Variants in MUSTN1 observed in about 807,000 individuals in gnomAD.
The protein encoded by MUSTN1 is musculoskeletal embryonic nuclear protein 1.
A neutral mutation model predicts 11.8 loss-of-function variants in MUSTN1; 14 were observed. The observed-to-expected ratio is 1.18, with a 90% CI of 0.78 to 1.85. The LOEUF (loss-of-function observed/expected upper bound fraction) is 1.85. MUSTN1 is among the 40% of genes most tolerant of loss of function. The pLI is 0.00. For missense variants in MUSTN1, 111 were observed against 108.8 expected, an observed-to-expected ratio of 1.02 and a Z score of -0.09; for synonymous variants, 42 against 43.3, an observed-to-expected ratio of 0.97 and a Z score of 0.12.
chr3:52,833,380 T>C lies in MUSTN1; in HGVS notation c.193A>G (p.Thr65Ala), dbSNP rs1399300139. Residue 65 changes from threonine (T) to alanine (A), a missense_variant, in exon 3 of 3, where the codon ACC becomes GCC. By Grantham distance (58) the Thr-to-Ala change is moderately conservative. Transcript: ENST00000446157. The stretch of plus-strand genomic sequence containing the variant: ...TTGGGCTTCTCAAAGACAGTCTCGG[T>C]ACCTGTGCGGGTGCGGCTGAACACC... ...PSVFSRTRTG[T>A]ETVFEKPKAG... 3.7e-6 allele frequency: 6 copies of C among 1,613,754 alleles called. No homozygotes were observed. Among genetic ancestry groups the C allele is most frequent in the Non-Finnish European group, 5.1e-6 (6 of 1,179,860 alleles).
At chr3:52,834,665 C>CACACACACACAT (rs1700666406) in intron 1 of MUSTN1, 1 of 612,316 alleles carries the variant, frequency 1.6e-6, no homozygotes, top group Non-Finnish European at 2.9e-6. Context: ...CACACACACA[C>CACACACACACAT]ACACACACAC....
Position 52,834,959 on chromosome 3 carries a change from G to A in MUSTN1, c.-11C>T, listed in dbSNP as rs769438980. ...TCCTACCTGGGACATGGTGGGTATT[G>A]TGTAAGCGCTGGGTCTCTGAAGGCG... On this transcript the variant is annotated 5_prime_UTR_variant, in exon 1 of 3. Coordinates refer to ENST00000446157, the MANE Select transcript of MUSTN1 (RefSeq NM_205853.4). The A allele has an allele frequency of 1.2e-6, 2 of 1,613,550 alleles. No individual in the cohort carries two copies. Among genetic ancestry groups the A allele is most frequent in the Non-Finnish European group, 1.7e-6 (2 of 1,179,776 alleles).
chr3:52,834,940 C>G lies in MUSTN1; in HGVS notation c.9G>C (p.Gln3His), dbSNP rs755297176. Reference protein sequence around the residue: MSQAGAQEAPIKK... With the variant: MSHAGAQEAPIKK... ...CACAGCCCTTGCTGGGTCCTCCTACCTGGGACATGGTGGGTATTGTGTAAG... is the reference window on the plus strand; with the variant it reads ...CACAGCCCTTGCTGGGTCCTCCTACGTGGGACATGGTGGGTATTGTGTAAG... Residue 3 changes from glutamine (Q) to histidine (H), a missense_variant and splice_region_variant, in exon 1 of 3, where the codon CAG becomes CAC. Physicochemically the swap from Gln to His is conservative, Grantham distance 24. Transcript: ENST00000446157. The G allele has an allele frequency of 4.6e-5, 74 of 1,613,550 alleles. No homozygotes were observed. Among genetic ancestry groups the G allele is most frequent in the Non-Finnish European group, 6.0e-5 (71 of 1,179,828 alleles).
chr3:52,833,870 T>C, intron 1 of MUSTN1, 121 bp from the exon 2 acceptor site: 2 of 1,430,626 alleles, frequency 1.4e-6, no homozygotes, highest in South Asian at 3.1e-5. Context: ...TTCAAGGCTC[T>C]ACTCCTCTTC....
intron 1 of MUSTN1, 65 bp downstream of exon 1, chr3:52,834,875 A>G (rs980830372): frequency 1.3e-6 from 2 of 1,593,514 alleles, no homozygotes; most frequent in African/African-American, 1.3e-5. Context: ...GCCAGAGCCG[A>G]AAGTGTCCAG....
chr3:52,834,739 C>T, intron 1 of MUSTN1: 1 of 709,094 alleles, frequency 1.4e-6, no homozygotes, highest in African/African-American at 1.8e-5. Flanking sequence ...CTCCTCCTAA[C>T]AAACCGTGGA....
At position 52,833,732 on chromosome 3, in the gene MUSTN1, G is replaced by A; in HGVS notation, c.27C>T (p.Ala9=). Residue 9 remains alanine (A), a synonymous_variant, in exon 2 of 3, where the codon GCC becomes GCT. Coordinates refer to ENST00000446157, the MANE Select transcript of MUSTN1 (RefSeq NM_205853.4). MSQAGAQE[A]PIKKKRPPVK... The stretch of plus-strand genomic sequence containing the variant: ...CAGGGGGGCGCTTCTTCTTGATAGG[G>A]GCTTCCTGAGCACCAGCCTTGGAGA... 6.3e-7 allele frequency: 1 copy of A among 1,583,332 alleles called. No homozygotes were observed. Among genetic ancestry groups the A allele is most frequent in the Non-Finnish European group, 8.6e-7 (1 of 1,164,538 alleles).
At position 52,833,638 on chromosome 3, in the gene MUSTN1, A is replaced by T; in HGVS notation, c.121T>A (p.Tyr41Asn). 6.2e-7 allele frequency: 1 copy of T among 1,610,352 alleles called. No individual in the cohort carries two copies. Residue 41 changes from tyrosine to asparagine, a missense_variant, in exon 2 of 3, where the codon TAC (tyrosine) becomes AAC (asparagine). Transcript: ENST00000446157. ...TKNQEIKSKT[Y>N]QVMRECEQAG... ...TCACCACACTCTCGCATGACCTGGT[A>T]GGTCTTGGACTTGATTTCCTGGTTC...
chr3:52,833,966 A>T (rs890724536), intron 1 of MUSTN1, among the ~76,000 whole-genome samples: 4 of 152,012 alleles, frequency 2.6e-5, no homozygotes, highest in African/African-American at 9.7e-5. Context: ...TTTCCCCTAT[A>T]GCCTGGGAGC....
At position 52,833,702 on chromosome 3, in the gene MUSTN1, C is replaced by G. The variant is rs2276820; in HGVS notation, c.57G>C (p.Lys19Asn). 6.3e-7 allele frequency: 1 copy of G among 1,592,454 alleles called. No individual in the cohort carries two copies. The highest frequency in any genetic ancestry group is 1.1e-5 in the South Asian group (1 of 87,366). The change falls in exon 2 of 3, where the codon AAG (lysine) becomes AAC (asparagine). Residue 19 changes from lysine to asparagine, a missense_variant. Transcript: ENST00000446157. Reference protein sequence around the residue: ...APIKKKRPPVKDEDLKGARGN... With the variant: ...APIKKKRPPVNDEDLKGARGN... ...CTCGGGCCCCCTTCAGGTCCTCGTC[C>G]TTCACAGGGGGGCGCTTCTTCTTGA...
At chr3:52,834,258 C>G (rs1464209103) in intron 1 of MUSTN1, among the ~76,000 whole-genome samples, 1 of 152,190 alleles carries the variant, frequency 6.6e-6, no homozygotes, top group Non-Finnish European at 1.5e-5. Flanking sequence ...GGCCACCCAC[C>G]CACAGAGCAG....
chr3:52,834,559 G>A (rs1010372113), intron 1 of MUSTN1, among the ~76,000 whole-genome samples: 1 of 151,962 alleles, frequency 6.6e-6, no homozygotes, highest in African/African-American at 2.4e-5. Context: ...ACCTATGTGT[G>A]TGGCCACACA....
rs761295064 is a variant in MUSTN1, at chr3:52,833,480, G to T, written c.143-50C>A. 63 of 1,595,444 alleles carry T rather than the reference G, an allele frequency of 3.9e-5. No homozygotes were observed. In the Admixed American group the frequency reaches 9.9e-4, roughly 25 times the overall value. On this transcript the variant is annotated intron_variant, in intron 2 of 2. Transcript: ENST00000446157. ...GCCAGCCTAGCTTCCTGGGAGGGAA[G>T]ATCCCTTACGATGGGAGCACCTTTC...
At chr3:52,833,788 T>C (rs1312853119) in intron 1 of MUSTN1, 39 bp from the exon 2 acceptor site, 1 of 1,557,264 alleles carries the variant, frequency 6.4e-7, no homozygotes, top group Non-Finnish European at 8.7e-7. Context: ...ACCTGAAGCC[T>C]CGGTAGAAAG....
At chr3:52,834,865 G>T in intron 1 of MUSTN1, 75 bp downstream of exon 1, 1 of 1,554,630 alleles carries the variant, frequency 6.4e-7, no homozygotes, top group Non-Finnish European at 8.8e-7. Context: ...AGACACAGCT[G>T]CCAGAGCCGA....
Position 52,833,965 on chromosome 3 carries a change from T to C in MUSTN1, c.10-216A>G, listed in dbSNP as rs563206256. On this transcript the variant is annotated intron_variant, in intron 1 of 2. Coordinates refer to ENST00000446157, the MANE Select transcript of MUSTN1 (RefSeq NM_205853.4). ...GACTTGCCCATGTGCCTTTCCCCTATAGCCTGGGAGCTCTTGGGAGCAGTG... is the reference window on the plus strand; with the variant it reads ...GACTTGCCCATGTGCCTTTCCCCTACAGCCTGGGAGCTCTTGGGAGCAGTG... Among the ~76,000 whole-genome samples the C allele has an allele frequency of 1.7e-4, 26 of 152,252 alleles. No homozygotes were observed. The East Asian group carries it at 3.7e-3, about 22-fold the overall frequency.
chr3:52,833,839 T>C, intron 1 of MUSTN1, 90 bp from the exon 2 acceptor site: 4 of 1,500,708 alleles, frequency 2.7e-6, no homozygotes, highest in Non-Finnish European at 3.6e-6. Context: ...CCCTCTTCTC[T>C]GCTCATTAAA....
intron 1 of MUSTN1, chr3:52,834,691 T>C (rs1302233756): frequency 1.7e-6 from 1 of 581,834 alleles, no homozygotes; most frequent in Non-Finnish European, 3.0e-6. Flanking sequence ...CATGCAAAGA[T>C]CTATCTAGGC....
chr3:52,833,191 G>A lies in MUSTN1; in HGVS notation c.*133C>T, dbSNP rs1402165770. 7.5e-7 allele frequency: 1 copy of A among 1,337,390 alleles called. No homozygotes were observed. The highest frequency in any genetic ancestry group is 2.5e-5 in the East Asian group (1 of 39,988). 82.8% of individuals were successfully genotyped at this position (1,337,390 alleles called of 1,614,324 possible). A position where few individuals can be genotyped will look rare whatever the true frequency, so the allele number is the denominator to read the frequency against. ...GCTGGTGCAGAGCCCTTGGCTGAAG[G>A]GCCTGGACTGTGGGGGAGGGTGGCA... On this transcript the variant is annotated 3_prime_UTR_variant, in exon 3 of 3. Transcript: ENST00000446157.
Sources: allele counts gnomAD v4.1 joint callset (sites outside exome capture counted in the v4.1 genomes callset), GRCh38; gene constraint gnomAD v4.1.1; transcripts MANE v1.5; gene names NCBI Gene and HGNC (gene_info 2026-07-23, HGNC 2026-07-21).